The following DGKI variants were observed in gnomAD, a reference collection of about 807,000 sequenced individuals.
The protein encoded by DGKI is DAG kinase iota.
In DGKI, 55 loss-of-function variants were observed where a neutral mutation model predicts 147.5. That is an observed-to-expected ratio of 0.37 (90% confidence interval 0.30 to 0.47). The LOEUF (loss-of-function observed/expected upper bound fraction) is 0.47. Among genes scored for constraint, DGKI ranks in the 20% least tolerant of loss-of-function variants. DGKI has a pLI of 1.00. For missense variants in DGKI, 1,007 were observed against 1,323.8 expected, an observed-to-expected ratio of 0.76 and a Z score of 3.71; for synonymous variants, 469 against 477.1, an observed-to-expected ratio of 0.98 and a Z score of 0.22.
intron 23 of DGKI, among the ~76,000 whole-genome samples, chr7:137,469,991 A>C (rs1814817540): frequency 1.3e-5 from 2 of 152,192 alleles, no homozygotes. Context: ...AGGCGCTGGC[A>C]CAGAATGGGA....
At chr7:137,698,309 AC>A (rs1034552019) in intron 1 of DGKI, among the ~76,000 whole-genome samples, 1 of 152,176 alleles carries the variant, frequency 6.6e-6, no homozygotes, top group Non-Finnish European at 1.5e-5. Context: ...CTGATTGGAA[AC>A]AGACTCTCAG....
At chr7:137,549,425 T>A (rs1165494489) in intron 20 of DGKI, among the ~76,000 whole-genome samples, 2 of 152,154 alleles carry the variant, frequency 1.3e-5, no homozygotes, top group African/African-American at 4.8e-5. Flanking sequence ...CCAATTAACA[T>A]GCTGTGTGAA....
At chr7:137,698,676 C>T (rs941188818) in intron 1 of DGKI, among the ~76,000 whole-genome samples, 4 of 152,150 alleles carry the variant, frequency 2.6e-5, no homozygotes, top group Admixed American at 2.6e-4. Context: ...GGCAGCAAAC[C>T]ACAGCACACC....
chr7:137,683,818 A>T (rs1236786798), intron 2 of DGKI, among the ~76,000 whole-genome samples: 2 of 147,470 alleles, frequency 1.4e-5, no homozygotes, highest in Non-Finnish European at 3.0e-5. Flanking sequence ...ATAGATTTAC[A>T]TCGATAGATC....
intron 1 of DGKI, among the ~76,000 whole-genome samples, chr7:137,827,004 C>T (rs1272452909): frequency 6.6e-6 from 1 of 152,136 alleles, no homozygotes; most frequent in East Asian, 1.9e-4. Flanking sequence ...CCTATTATTC[C>T]TAAGGCATGA....
At chr7:137,714,794 C>G (rs1794327558) in intron 1 of DGKI, among the ~76,000 whole-genome samples, 1 of 152,216 alleles carries the variant, frequency 6.6e-6, no homozygotes, top group Non-Finnish European at 1.5e-5. Context: ...CCATTATCTT[C>G]AACCTAGATG....
intron 1 of DGKI, among the ~76,000 whole-genome samples, chr7:137,703,295 G>C (rs1433753907): frequency 6.6e-6 from 1 of 152,148 alleles, no homozygotes; most frequent in East Asian, 1.9e-4. Context: ...ACAGCAAAGA[G>C]GAAATCCACC....
chr7:137,518,070 C>T (rs1325732268), intron 21 of DGKI, among the ~76,000 whole-genome samples: 1 of 152,022 alleles, frequency 6.6e-6, no homozygotes, highest in Non-Finnish European at 1.5e-5. Flanking sequence ...CTATGACCTA[C>T]TTTGAGTCTG....
intron 1 of DGKI, among the ~76,000 whole-genome samples, chr7:137,772,721 T>C (rs1282948975): frequency 6.6e-6 from 1 of 152,268 alleles, no homozygotes; most frequent in East Asian, 1.9e-4. Flanking sequence ...CCAAAATATT[T>C]GGAAACACTG....
intron 1 of DGKI, among the ~76,000 whole-genome samples, chr7:137,701,945 T>C (rs1469635156): frequency 6.6e-6 from 1 of 152,072 alleles, no homozygotes; most frequent in Non-Finnish European, 1.5e-5. Context: ...CCAGAACATG[T>C]GCTATTAAAG....
At chr7:137,408,031 G>C (rs1585084629) in intron 29 of DGKI, 36 bp from the exon 30 acceptor site, 1 of 1,612,064 alleles carries the variant, frequency 6.2e-7, no homozygotes, top group East Asian at 2.2e-5. Flanking sequence ...AGCTCAGGCA[G>C]AATTCGGAAC....
intron 30 of DGKI, 89 bp downstream of exon 30, chr7:137,407,786 C>G: frequency 6.5e-7 from 1 of 1,533,042 alleles, no homozygotes; most frequent in East Asian, 2.3e-5. Flanking sequence ...ATTCTGAAAA[C>G]TGCCTGGATG....
At chr7:137,481,607 C>T (rs1470790491) in intron 23 of DGKI, among the ~76,000 whole-genome samples, 1 of 151,988 alleles carries the variant, frequency 6.6e-6, no homozygotes, top group Non-Finnish European at 1.5e-5. Context: ...CCCATAATAC[C>T]TTGTTAGGTT....
intron 19 of DGKI, among the ~76,000 whole-genome samples, chr7:137,559,277 T>C (rs1272384759): frequency 6.6e-6 from 1 of 151,166 alleles, no homozygotes; most frequent in African/African-American, 2.4e-5. Context: ...TTCACCGTTA[T>C]AGCCGGGATG....
intron 1 of DGKI, among the ~76,000 whole-genome samples, chr7:137,784,675 C>T (rs766059555): frequency 1.3e-5 from 2 of 152,082 alleles, no homozygotes; most frequent in Non-Finnish European, 2.9e-5. Flanking sequence ...ACTTTACATT[C>T]TATTCATCAG....
intron 20 of DGKI, among the ~76,000 whole-genome samples, chr7:137,526,953 G>A (rs1342182135): frequency 1.3e-5 from 2 of 152,030 alleles, no homozygotes; most frequent in African/African-American, 4.8e-5. Context: ...GGTTCTCCAG[G>A]GTCACTTTTA....
At chr7:137,398,970 A>G (rs1811650833) in intron 30 of DGKI, among the ~76,000 whole-genome samples, 1 of 150,708 alleles carries the variant, frequency 6.6e-6, no homozygotes, top group Admixed American at 6.7e-5. Flanking sequence ...TTCATCTGGA[A>G]CTACATTTCC....
At chr7:137,431,499 A>T (rs1813070195) in intron 28 of DGKI, among the ~76,000 whole-genome samples, 1 of 152,170 alleles carries the variant, frequency 6.6e-6, no homozygotes, top group Non-Finnish European at 1.5e-5. Context: ...AGTGGATTTT[A>T]GTGTTTTTCA....
chr7:137,764,509 G>A (rs974140498), intron 1 of DGKI, among the ~76,000 whole-genome samples: 4 of 152,040 alleles, frequency 2.6e-5, no homozygotes, highest in African/African-American at 4.8e-5. Flanking sequence ...ATTTCCACCC[G>A]ACTTCTCTTG....
Sources: allele counts gnomAD v4.1 joint callset (sites outside exome capture counted in the v4.1 genomes callset), GRCh38; gene constraint gnomAD v4.1.1; transcripts MANE v1.5; gene names NCBI Gene and HGNC (gene_info 2026-07-23, HGNC 2026-07-21).